The following IFT88 variants were observed in gnomAD, a reference collection of about 807,000 sequenced individuals.
IFT88 encodes intraflagellar transport protein 88 homolog.
IFT88 carries 74 observed loss-of-function variants against 119.5 expected under a neutral mutation model. The ratio of observed to expected loss-of-function variants is 0.62; its 90% CI spans 0.51 to 0.75. IFT88 has a LOEUF of 0.75. Among genes scored for constraint, IFT88 ranks in the 30% least tolerant of loss-of-function variants. IFT88 has a pLI of 0.00. For synonymous variants in IFT88, 279 were observed against 316.7 expected, an observed-to-expected ratio of 0.88 and a Z score of 1.26; for missense variants, 961 against 977.7, an observed-to-expected ratio of 0.98 and a Z score of 0.23.
chr13:20,625,862 A>G lies in IFT88; in HGVS notation c.1299+13A>G, dbSNP rs1293978750. On this transcript the variant is annotated intron_variant, in intron 15 of 25. Coordinates refer to ENST00000351808, the MANE Select transcript of IFT88 (RefSeq NM_006531.5). Reference sequence around the variant, plus strand: ...AGACTATAACCAAGTAAGTTTTAAAAAAAATTTTAGATGGAATTCCATATC... The same window carrying G: ...AGACTATAACCAAGTAAGTTTTAAAGAAAATTTTAGATGGAATTCCATATC... The G allele has an allele frequency of 1.4e-6, 2 of 1,477,424 alleles. No individual in the cohort carries two copies. The highest frequency in any genetic ancestry group is 2.5e-5 in the South Asian group (2 of 81,094). 91.5% of individuals were successfully genotyped at this position (1,477,424 alleles called of 1,614,324 possible). A position where few individuals can be genotyped will look rare whatever the true frequency, so the allele number is the denominator to read the frequency against.
At chr13:20,689,227 C>A (rs186661666) in intron 24 of IFT88, among the ~76,000 whole-genome samples, 14 of 152,258 alleles carry the variant, frequency 9.2e-5, no homozygotes, top group Middle Eastern at 6.8e-3. Context: ...TCACCGTGCC[C>A]GGCCCCAGGT....
chr13:20,643,411 A>C (rs2050262727), intron 18 of IFT88, 44 bp from the exon 19 acceptor site: 1 of 1,477,286 alleles, frequency 6.8e-7, no homozygotes, highest in Non-Finnish European at 9.2e-7. Flanking sequence ...CTTATTGCTT[A>C]ATGAATTTAG....
chr13:20,638,516 T>C lies in IFT88; in HGVS notation c.1571T>C (p.Ile524Thr), dbSNP rs2049366485. Residue 524 changes from isoleucine (I) to threonine (T), a missense_variant and splice_region_variant, in exon 17 of 26, where the codon ATT becomes ACT. Transcript: ENST00000351808. ...DSSCTEALYNIGLTYEKLNRL... is the reference protein window; with the variant it reads ...DSSCTEALYNTGLTYEKLNRL... The stretch of plus-strand genomic sequence containing the variant: ...TCTTGTACTGAAGCACTTTATAATA[T>C]TGGTAAGTGAAACAAGGGGAAATTG... 3 of 1,429,214 alleles carry C rather than the reference T, an allele frequency of 2.1e-6. No individual in the cohort carries two copies. The highest frequency in any genetic ancestry group is 1.7e-5 in the South Asian group (1 of 57,582). 88.5% of individuals were successfully genotyped at this position (1,429,214 alleles called of 1,614,324 possible). A position where few individuals can be genotyped will look rare whatever the true frequency, so the allele number is the denominator to read the frequency against.
In IFT88 at chr13:20,597,070, G is replaced by A. The variant is rs1334526219; in HGVS notation, c.545G>A (p.Arg182Gln). 7.5e-6 allele frequency: 12 copies of A among 1,608,238 alleles called. No individual in the cohort carries two copies. The highest frequency in any genetic ancestry group is 4.0e-5 in the African/African-American group (3 of 74,618). Reference sequence around the variant, plus strand: ...AAAGAGAGAGTCCTGGTGAGACAGCGAGAACAAGTTACAACTCCAGAAAAT... The same window carrying A: ...AAAGAGAGAGTCCTGGTGAGACAGCAAGAACAAGTTACAACTCCAGAAAAT... ...GRKERVLVRQ[R>Q]EQVTTPENIN... is the part of the protein sequence containing the mutation. Residue 182 changes from arginine to glutamine, a missense_variant, in exon 9 of 26, where the codon CGA (arginine) becomes CAA (glutamine). Physicochemically the swap from Arg to Gln is conservative, Grantham distance 43. Coordinates refer to ENST00000351808, the MANE Select transcript of IFT88 (RefSeq NM_006531.5).
At chr13:20,665,207 G>C (rs2054492620) in intron 23 of IFT88, among the ~76,000 whole-genome samples, 1 of 151,910 alleles carries the variant, frequency 6.6e-6, no homozygotes, top group Non-Finnish European at 1.5e-5. Context: ...TTCAATATTT[G>C]CCAGTTTTCC....
chr13:20,615,090 C>T (rs1175129255), intron 13 of IFT88, among the ~76,000 whole-genome samples: 3 of 152,166 alleles, frequency 2.0e-5, no homozygotes, highest in Non-Finnish European at 4.4e-5. Context: ...GCTGGGATTA[C>T]AGGCATGAGC....
intron 13 of IFT88, among the ~76,000 whole-genome samples, 162 bp downstream of exon 13, chr13:20,605,267 A>T (rs2043232083): frequency 6.6e-6 from 1 of 152,172 alleles, no homozygotes; most frequent in African/African-American, 2.4e-5. Flanking sequence ...TGTTATATTC[A>T]ATATATTTCT....
intron 13 of IFT88, 23 bp from the exon 14 acceptor site, chr13:20,615,770 A>T (rs374557417): frequency 9.9e-6 from 14 of 1,417,924 alleles, no homozygotes; most frequent in Non-Finnish European, 1.4e-5. Context: ...TCTAAATACA[A>T]CTTTTTGGTT....
At chr13:20,657,883 C>T (rs920770753) in intron 22 of IFT88, among the ~76,000 whole-genome samples, 1 of 151,936 alleles carries the variant, frequency 6.6e-6, no homozygotes, top group Non-Finnish European at 1.5e-5. Context: ...TTCTAATGGC[C>T]AAGGATTAGA....
At chr13:20,633,020 A>G (rs1425080057) in intron 16 of IFT88, among the ~76,000 whole-genome samples, 1 of 152,212 alleles carries the variant, frequency 6.6e-6, no homozygotes, top group Non-Finnish European at 1.5e-5. Flanking sequence ...CCAGTGCTTC[A>G]ATCTACTGGT....
chr13:20,635,483 C>G (rs1198149464), intron 16 of IFT88, among the ~76,000 whole-genome samples: 1 of 152,206 alleles, frequency 6.6e-6, no homozygotes, highest in Admixed American at 6.5e-5. Flanking sequence ...GCTCCCTAGT[C>G]TGAGAAAAAC....
At chr13:20,614,519 A>C (rs993259049) in intron 13 of IFT88, 1 of 152,182 alleles carries the variant, frequency 6.6e-6, no homozygotes, top group Non-Finnish European at 1.5e-5. Context: ...AAAATGATAA[A>C]ATTGTAGAAC....
chr13:20,589,727 G>A (rs2040336875), intron 3 of IFT88, 84 bp from the exon 4 acceptor site: 1 of 650,784 alleles, frequency 1.5e-6, no homozygotes. Context: ...TTATTTATGA[G>A]TCTATATTTT....
At chr13:20,615,953 A>G (rs1312874973) in intron 14 of IFT88, 74 bp downstream of exon 14, 8 of 769,012 alleles carry the variant, frequency 1.0e-5, no homozygotes, top group South Asian at 4.5e-5. Flanking sequence ...TTAAATTAAT[A>G]TTGTCATTAG....
chr13:20,680,404 TG>T (rs544523406), intron 24 of IFT88, among the ~76,000 whole-genome samples: 4 of 152,184 alleles, frequency 2.6e-5, no homozygotes, highest in East Asian at 3.8e-4. Context: ...ATACCTCCAC[TG>T]GGGGGTCTAA....
intron 21 of IFT88, among the ~76,000 whole-genome samples, chr13:20,656,138 G>GAAAAAAAA (rs2052753111): frequency 3.1e-5 from 1 of 31,788 alleles, no homozygotes; most frequent in Non-Finnish European, 7.2e-5. Context: ...AAAAAAAAAG[G>GAAAAAAAA]AAGAAGCTAA....
intron 9 of IFT88, among the ~76,000 whole-genome samples, chr13:20,598,195 C>T (rs74038938): frequency 0.017 from 2,547 of 151,992 alleles, 71 homozygotes; most frequent in African/African-American, 0.059. Flanking sequence ...CATTTTTTAC[C>T]TTTAGGAACA....
chr13:20,584,124 C>A (rs1327565190), intron 3 of IFT88, among the ~76,000 whole-genome samples: 1 of 148,560 alleles, frequency 6.7e-6, no homozygotes, highest in Non-Finnish European at 1.5e-5. Flanking sequence ...CTTGATATTC[C>A]ATATGAATTT....
chr13:20,577,146 G>T (rs554196491), intron 2 of IFT88, among the ~76,000 whole-genome samples: 7 of 152,126 alleles, frequency 4.6e-5, no homozygotes, highest in African/African-American at 1.7e-4. Context: ...GATTACTTTC[G>T]TGATTTATTT....
Sources: allele counts gnomAD v4.1 joint callset (sites outside exome capture counted in the v4.1 genomes callset), GRCh38; gene constraint gnomAD v4.1.1; transcripts MANE v1.5; gene names NCBI Gene and HGNC (gene_info 2026-07-23, HGNC 2026-07-21).